Variants in CPEB2 observed in about 807,000 individuals in gnomAD.
CPEB2 encodes the protein cytoplasmic polyadenylation element binding protein 2.
Under a neutral mutation model 93.6 loss-of-function variants are expected in CPEB2, and 56 were observed. That is an observed-to-expected ratio of 0.60 (90% CI 0.48 to 0.75). The LOEUF (loss-of-function observed/expected upper bound fraction) is 0.75, where lower values mean the gene tolerates loss of function less well. Ranked by LOEUF, CPEB2 falls within the 30% of genes least tolerant of loss-of-function variation. CPEB2 has a pLI of 0.00. For synonymous variants in CPEB2, 764 were observed against 586.3 expected (o/e 1.30, Z -4.38); for missense variants, 1,579 against 1,395.1 (o/e 1.13, Z -2.10).
At position 15,004,453 on chromosome 4, in the gene CPEB2, G is replaced by T. The variant is rs994928032; in HGVS notation, c.1662+118G>T. Reference sequence around the variant, plus strand: ...AGCCCCGAGAGAAGCCGCGACGGGGGCCACTCGCCCAAGTGAGAGTGGAAC... The same window carrying T: ...AGCCCCGAGAGAAGCCGCGACGGGGTCCACTCGCCCAAGTGAGAGTGGAAC... On this transcript the variant is annotated intron_variant, in intron 1 of 11. Transcript: ENST00000538197. 3.6e-4 allele frequency: 247 copies of T among 688,282 alleles called. No homozygotes were observed. In the African/African-American group the frequency reaches 4.4e-3, roughly 12 times the overall value. The allele number at this position is 688,282 out of a possible 1,614,324, so 42.6% of individuals were successfully genotyped here.
At chr4:15,062,775 ATG>A (rs1491324534) in intron 11 of CPEB2, among the ~76,000 whole-genome samples, 2 of 152,156 alleles carry the variant, frequency 1.3e-5, no homozygotes, top group African/African-American at 4.8e-5. Flanking sequence ...TAAAATAAAA[ATG>A]CATTGTGTGT....
rs1165382723 is a variant in CPEB2 at position 15,069,013 on chromosome 4, C to CTAT, written c.*2635_*2637dup. 1 of 150,798 alleles carries CTAT rather than the reference C, an allele frequency of 6.6e-6. No homozygotes were observed. The highest frequency in any genetic ancestry group is 1.5e-5 in the Non-Finnish European group (1 of 67,438). The allele number at this position is 150,798 out of a possible 1,614,324, so 9.3% of individuals were successfully genotyped here. Reference sequence around the variant, plus strand: ...TAATTTACAGATCATATTTATTTTACTATTTTTGTAGAAAATTATTAATTT... The same window carrying CTAT: ...TAATTTACAGATCATATTTATTTTACTATTATTTTTGTAGAAAATTATTAATTT... On this transcript the variant is annotated 3_prime_UTR_variant, in exon 12 of 12. Transcript: ENST00000538197.
At chr4:15,030,799 T>C (rs538353973) in intron 4 of CPEB2, among the ~76,000 whole-genome samples, 7 of 152,242 alleles carry the variant, frequency 4.6e-5, no homozygotes, top group East Asian at 3.9e-4. Flanking sequence ...CAAATAGTTA[T>C]GTTTTTTAAA....
intron 5 of CPEB2, among the ~76,000 whole-genome samples, chr4:15,037,451 C>CT (rs1726726739): frequency 4.6e-5 from 7 of 152,094 alleles, no homozygotes; most frequent in Non-Finnish European, 7.4e-5. Flanking sequence ...ATGTGTATGC[C>CT]TATCCCTTCC....
intron 6 of CPEB2, among the ~76,000 whole-genome samples, chr4:15,051,151 G>T (rs1728183197): frequency 6.6e-6 from 1 of 151,870 alleles, no homozygotes; most frequent in Admixed American, 6.6e-5. Context: ...TCCATCCTTT[G>T]TGGATTTTTT....
chr4:15,008,404 G>A lies in CPEB2; in HGVS notation c.2011G>A (p.Ala671Thr). The A allele has an allele frequency of 6.2e-7, 1 of 1,613,704 alleles. No individual in the cohort carries two copies. The highest frequency in any genetic ancestry group is 8.5e-7 in the Non-Finnish European group (1 of 1,179,708). Residue 671 changes from alanine (A) to threonine (T), a missense_variant, in exon 3 of 12, where the codon GCC (alanine) becomes ACC (threonine). This residue lies in a region of CPEB2 where 1,411 missense variants were observed against 1,056.0 expected (regional missense o/e 1.34). Transcript: ENST00000538197. ...ACTCCAAGATAGTTGGTGCACTGCA[G>A]CCGGAACATCCAGAATAGACCAGGT... ...DSLQDSWCTA[A>T]GTSRIDQDRS...
Position 15,003,226 on chromosome 4 carries a change from C to T in CPEB2, c.553C>T (p.Pro185Ser), listed in dbSNP as rs1256227691. The T allele has an allele frequency of 2.0e-6, 3 of 1,530,434 alleles. No homozygotes were observed. The highest frequency in any genetic ancestry group is 1.4e-5 in the African/African-American group (1 of 71,958). The allele number at this position is 1,530,434 out of a possible 1,614,324, so 94.8% of individuals were successfully genotyped here. A position where few individuals can be genotyped will look rare whatever the true frequency, so the allele number is the denominator to read the frequency against. ...CCAGAAGAGGAAAGAGTTCAGCCCT[C>T]CCCACCTTCCCCACCCTCCGGACTC... ...SSQKRKEFSP[P>S]HLPHPPDSKP... The change falls in exon 1 of 12, where the codon CCC becomes TCC. Residue 185 changes from proline to serine, a missense_variant. Transcript: ENST00000538197.
intron 4 of CPEB2, among the ~76,000 whole-genome samples, chr4:15,024,160 T>G (rs1378483160): frequency 1.3e-5 from 2 of 152,166 alleles, no homozygotes; most frequent in Non-Finnish European, 2.9e-5. Flanking sequence ...GATTGTTTTT[T>G]TTCATTATTG....
chr4:15,003,346 G>A lies in CPEB2; in HGVS notation c.673G>A (p.Ala225Thr). 7.2e-7 allele frequency: 1 copy of A among 1,393,788 alleles called. No individual in the cohort carries two copies. The allele number at this position is 1,393,788 out of a possible 1,614,324, so 86.3% of individuals were successfully genotyped here. A position where few individuals can be genotyped will look rare whatever the true frequency, so the allele number is the denominator to read the frequency against. Residue 225 changes from alanine (A) to threonine (T), a missense_variant, in exon 1 of 12, where the codon GCT becomes ACT. Ala to Thr is a moderately conservative substitution (Grantham distance 58, BLOSUM62 0). Coordinates refer to ENST00000538197, the MANE Select transcript of CPEB2 (RefSeq NM_001177382.2). ...CCCGCTCCTCCAGCCGGCGCAGCTC[G>A]CTCAGCGCCAGCAGCAACAGCCGCC... ...AGPLLQPAQL[A>T]QRQQQQPPQQ...
intron 4 of CPEB2, among the ~76,000 whole-genome samples, chr4:15,019,982 A>G (rs962906085): frequency 2.0e-5 from 3 of 152,122 alleles, no homozygotes; most frequent in African/African-American, 7.2e-5. Flanking sequence ...CTGAGGCTGC[A>G]GTCATTTGAA....
intron 6 of CPEB2, among the ~76,000 whole-genome samples, chr4:15,046,629 T>G (rs1727729554): frequency 6.6e-6 from 1 of 152,180 alleles, no homozygotes; most frequent in South Asian, 2.1e-4. Flanking sequence ...TAAGCACCTT[T>G]TCATGTGCTT....
intron 6 of CPEB2, among the ~76,000 whole-genome samples, chr4:15,049,139 G>A (rs966875788): frequency 2.6e-5 from 4 of 151,906 alleles, no homozygotes; most frequent in Non-Finnish European, 5.9e-5. Context: ...GATTATAGAT[G>A]TTTTTAGTTA....
intron 2 of CPEB2, 49 bp downstream of exon 2, chr4:15,007,635 A>T: frequency 7.8e-7 from 1 of 1,285,146 alleles, no homozygotes; most frequent in Middle Eastern, 2.0e-4. Context: ...ATCTTTCAAA[A>T]TAGGGAGTTG....
At chr4:15,047,723 T>G (rs1036991407) in intron 6 of CPEB2, among the ~76,000 whole-genome samples, 9 of 152,044 alleles carry the variant, frequency 5.9e-5, no homozygotes, top group Non-Finnish European at 8.8e-5. Flanking sequence ...TTAAATTATT[T>G]TTTTCATCTT....
At chr4:15,036,825 A>C (rs939436726) in intron 5 of CPEB2, among the ~76,000 whole-genome samples, 1 of 152,132 alleles carries the variant, frequency 6.6e-6, no homozygotes, top group African/African-American at 2.4e-5. Flanking sequence ...TGAGAGGAAA[A>C]AAGTTATGAG....
chr4:15,025,603 C>T (rs773644771), intron 4 of CPEB2, among the ~76,000 whole-genome samples: 3 of 151,660 alleles, frequency 2.0e-5, no homozygotes, highest in Non-Finnish European at 4.4e-5. Context: ...TAGTCTTCTG[C>T]TTGTGAGCTG....
At chr4:15,016,551 G>A (rs1016291750) in intron 3 of CPEB2, among the ~76,000 whole-genome samples, 2 of 151,908 alleles carry the variant, frequency 1.3e-5, no homozygotes, top group Non-Finnish European at 2.9e-5. Context: ...GGGGAGTTGG[G>A]GGAGGCCGGC....
In CPEB2 at chr4:15,068,344, A is replaced by G. The variant is rs1029498260; in HGVS notation, c.*1964A>G. The G allele has an allele frequency of 6.6e-6, 1 of 152,272 alleles. No individual in the cohort carries two copies. The highest frequency in any genetic ancestry group is 2.4e-5 in the African/African-American group (1 of 41,400). 9.4% of individuals were successfully genotyped at this position (152,272 alleles called of 1,614,324 possible). The stretch of plus-strand genomic sequence containing the variant: ...TTTCAGAAGAGCTTTTTACTAATTT[A>G]TTTGTCAGTGTTCCCTATTTGTTAC... On this transcript the variant is annotated 3_prime_UTR_variant, in exon 12 of 12. Coordinates refer to ENST00000538197, the MANE Select transcript of CPEB2 (RefSeq NM_001177382.2).
At chr4:15,021,287 T>A (rs1474024361) in intron 4 of CPEB2, among the ~76,000 whole-genome samples, 1 of 152,168 alleles carries the variant, frequency 6.6e-6, no homozygotes, top group Non-Finnish European at 1.5e-5. Context: ...GGCAAATAAT[T>A]TGCTTTTCAA....
Sources: allele counts gnomAD v4.1 joint callset (sites outside exome capture counted in the v4.1 genomes callset), GRCh38; gene constraint gnomAD v4.1.1; regional missense constraint gnomAD v4.1.1; transcripts MANE v1.5; gene names NCBI Gene and HGNC (gene_info 2026-07-23, HGNC 2026-07-21).